The following ADGRF5 variants were observed in gnomAD, a reference collection of about 807,000 sequenced individuals.
ADGRF5 encodes adhesion G protein-coupled receptor F5, also known as G-protein coupled receptor 116.
In ADGRF5, 75 loss-of-function variants were observed where a neutral mutation model predicts 132.3. That is an observed-to-expected ratio of 0.57 (90% confidence interval 0.47 to 0.69). The LOEUF (loss-of-function observed/expected upper bound fraction) is 0.69, where lower values mean the gene tolerates loss of function less well. Among genes scored for constraint, ADGRF5 ranks in the 30% least tolerant of loss-of-function variants. The pLI is 0.00. For missense variants in ADGRF5, 1,516 were observed against 1,630.6 expected, an observed-to-expected ratio of 0.93 and a Z score of 1.21; for synonymous variants, 629 against 597.6, an observed-to-expected ratio of 1.05 and a Z score of -0.77.
intron 2 of ADGRF5, among the ~76,000 whole-genome samples, chr6:46,901,891 G>C (rs889840173): frequency 6.6e-6 from 1 of 152,056 alleles, no homozygotes; most frequent in Non-Finnish European, 1.5e-5. Context: ...TCAGATGTCC[G>C]CAATTTACCA....
chr6:46,879,865 G>A lies in ADGRF5; in HGVS notation c.989C>T (p.Thr330Ile). Residue 330 changes from threonine (T) to isoleucine (I), a missense_variant, in exon 9 of 21, where the codon ACT (threonine) becomes ATT (isoleucine). Thr to Ile is a moderately conservative substitution (Grantham distance 89). This residue lies in a region of ADGRF5 where 945 missense variants were observed against 929.4 expected (regional missense o/e 1.02). Coordinates refer to ENST00000283296, the MANE Select transcript of ADGRF5 (RefSeq NM_001098518.2). ...GTGGATGGTGAGCTTGGACACCGAAGTCATGTTGTTGAAAAGTGCGGTGTA... is the reference window on the plus strand; with the variant it reads ...GTGGATGGTGAGCTTGGACACCGAAATCATGTTGTTGAAAAGTGCGGTGTA... The part of the protein sequence containing the change: ...SIYTALFNNM[T>I]SVSKLTIHNI... 6.2e-7 allele frequency: 1 copy of A among 1,614,088 alleles called. No homozygotes were observed. Among genetic ancestry groups the A allele is most frequent in the Non-Finnish European group, 8.5e-7 (1 of 1,179,938 alleles).
At position 46,858,485 on chromosome 6, in the gene ADGRF5, G is replaced by A. The variant is rs1769320266; in HGVS notation, c.3418C>T (p.Leu1140Phe). ...CCCAGCGTGATGACCGAGATGGCAA[G>A]TGGGCAGCCATAGCCAAGACAGAAG... is the stretch of plus-strand genomic sequence containing the variant. Reference protein sequence around the residue: ...IAFCLGYGCPLAISVITLGAT... With the variant: ...IAFCLGYGCPFAISVITLGAT... The change falls in exon 17 of 21, where the codon CTT (leucine) becomes TTT (phenylalanine). Residue 1140 changes from leucine to phenylalanine, a missense_variant. Transcript: ENST00000283296. The A allele has an allele frequency of 6.2e-7, 1 of 1,613,800 alleles. No individual in the cohort carries two copies. Among genetic ancestry groups the A allele is most frequent in the African/African-American group, 1.3e-5 (1 of 74,908 alleles).
chr6:46,926,556 T>C (rs973712425), upstream of ADGRF5, among the ~76,000 whole-genome samples: 3 of 152,034 alleles, frequency 2.0e-5, no homozygotes, highest in South Asian at 4.2e-4. Flanking sequence ...CCCTTATTGA[T>C]CTATCCTCGG....
chr6:46,877,329 CTTTCTTTCTTTCT>C (rs1771898942), intron 10 of ADGRF5, among the ~76,000 whole-genome samples: 498 of 41,772 alleles, frequency 0.012, 25 homozygotes, highest in African/African-American at 0.021. Flanking sequence ...TTCCTTCTTT[CTTTCTTTCTTTCT>C]TTCTTTCTTT....
chr6:46,902,174 C>T (rs1174772974), intron 2 of ADGRF5, among the ~76,000 whole-genome samples: 1 of 152,220 alleles, frequency 6.6e-6, no homozygotes, highest in African/African-American at 2.4e-5. Flanking sequence ...GCCCAGCTTC[C>T]CTTGGAGAAT....
intron 3 of ADGRF5, among the ~76,000 whole-genome samples, chr6:46,889,564 GTGTGTATA>G (rs1562197615): frequency 1.2e-5 from 1 of 81,474 alleles, no homozygotes. Context: ...GTGTGTGTGT[GTGTGTATA>G]TATATATATA....
At chr6:46,878,588 T>C (rs944682110) in intron 9 of ADGRF5, among the ~76,000 whole-genome samples, 183 bp from the exon 10 acceptor site, 2 of 152,144 alleles carry the variant, frequency 1.3e-5, no homozygotes, top group African/African-American at 4.8e-5. Context: ...ATATTTCTCA[T>C]GCCACAAAGT....
intron 10 of ADGRF5, among the ~76,000 whole-genome samples, chr6:46,877,227 C>CTTTCTTTCTTTCTTTCT (rs1562173699): frequency 3.4e-3 from 71 of 20,842 alleles, no homozygotes; most frequent in Middle Eastern, 0.027. Context: ...TATTTCCTCT[C>CTTTCTTTCTTTCTTTCT]TTTCTTTCTT....
intron 1 of ADGRF5, among the ~76,000 whole-genome samples, chr6:46,937,228 G>A (rs1450720320): frequency 6.6e-6 from 1 of 150,614 alleles, no homozygotes; most frequent in Non-Finnish European, 1.5e-5. Context: ...AGGAGTGTGT[G>A]TGTGTGTGTG....
intron 2 of ADGRF5, among the ~76,000 whole-genome samples, chr6:46,900,808 T>A (rs1337501933): frequency 2.0e-5 from 3 of 152,224 alleles, no homozygotes; most frequent in Non-Finnish European, 4.4e-5. Context: ...GTATGGCATA[T>A]AGTAAGTTCT....
At position 46,853,269 on chromosome 6, in the gene ADGRF5, C is replaced by G. The variant is rs1378330385; in HGVS notation, c.*723G>C. On this transcript the variant is annotated 3_prime_UTR_variant, in exon 21 of 21. Transcript: ENST00000283296. Reference sequence around the variant, plus strand: ...ATTCATTTCTTATAAATATTGTTATCCACTTGAAGTCGTTCTGATGAAGGA... The same window carrying G: ...ATTCATTTCTTATAAATATTGTTATGCACTTGAAGTCGTTCTGATGAAGGA... The G allele has an allele frequency of 2.1e-4, 32 of 152,070 alleles. No individual in the cohort carries two copies. Among genetic ancestry groups the G allele is most frequent in the Admixed American group, 2.1e-3 (32 of 15,274 alleles). 9.4% of individuals were successfully genotyped at this position (152,070 alleles called of 1,614,324 possible).
intron 11 of ADGRF5, 108 bp from the exon 12 acceptor site, chr6:46,869,200 A>C (rs940465355): frequency 6.6e-7 from 1 of 1,516,398 alleles, no homozygotes. Context: ...GACAGAAAAA[A>C]AAAATGAACC....
At chr6:46,930,545 A>G (rs1420592863) in intron 1 of ADGRF5, among the ~76,000 whole-genome samples, 2 of 151,986 alleles carry the variant, frequency 1.3e-5, no homozygotes, top group Non-Finnish European at 2.9e-5. Context: ...TGGGGATGGT[A>G]TTTCCGAGAG....
chr6:46,858,083 C>T (rs746283017), intron 17 of ADGRF5, 46 bp downstream of exon 17: 3 of 1,390,338 alleles, frequency 2.2e-6, no homozygotes, highest in South Asian at 1.3e-5. Context: ...TTAATTTGTC[C>T]TACAGGAATA....
intron 1 of ADGRF5, among the ~76,000 whole-genome samples, chr6:46,942,589 G>T (rs577451337): frequency 1.3e-5 from 2 of 152,202 alleles, no homozygotes; most frequent in Non-Finnish European, 2.9e-5. Context: ...ATTTAGAGCA[G>T]AACTTGTGAG....
rs1319536103 is a variant in ADGRF5 at position 46,921,927 on chromosome 6, T to G, written c.-239A>C. The G allele has an allele frequency of 6.6e-6, 1 of 152,222 alleles. No homozygotes were observed. Among genetic ancestry groups the G allele is most frequent in the Non-Finnish European group, 1.5e-5 (1 of 68,054 alleles). 9.4% of individuals were successfully genotyped at this position (152,222 alleles called of 1,614,324 possible). The stretch of plus-strand genomic sequence containing the variant: ...CCTCCCCCAGCTATGATCCTCCCAG[T>G]CTCACAGAGTCATCCCTGAGAGCCG... On this transcript the variant is annotated 5_prime_UTR_variant, in exon 1 of 21. Transcript: ENST00000283296.
In ADGRF5 at chr6:46,871,934, C is replaced by A; in HGVS notation, c.1320G>T (p.Ser440=). 6.2e-7 allele frequency: 1 copy of A among 1,612,484 alleles called. No individual in the cohort carries two copies. The highest frequency in any genetic ancestry group is 8.5e-7 in the Non-Finnish European group (1 of 1,178,984). Residue 440 remains serine (S), a synonymous_variant, in exon 11 of 21, where the codon TCG becomes TCT. Transcript: ENST00000283296. The part of the protein sequence containing the change: ...KADGTQCPSG[S]SGTTVIYTCE... Reference sequence around the variant, plus strand: ...AAGTGTAGATGACTGTTGTTCCAGACGACCCGCTTGGGCACTGGGTTCCAT... The same window carrying A: ...AAGTGTAGATGACTGTTGTTCCAGAAGACCCGCTTGGGCACTGGGTTCCAT...
At chr6:46,866,879 A>G (rs1406483574) in intron 13 of ADGRF5, 46 bp downstream of exon 13, 4 of 1,191,170 alleles carry the variant, frequency 3.4e-6, no homozygotes, top group Non-Finnish European at 5.0e-6. Context: ...TAGACTCCAC[A>G]TATGTGAAAT....
intron 1 of ADGRF5, among the ~76,000 whole-genome samples, chr6:46,918,906 A>C (rs2150921431): frequency 6.6e-6 from 1 of 152,320 alleles, no homozygotes; most frequent in East Asian, 1.9e-4. Context: ...GACTCAGTGA[A>C]TCTCAACCCC....
Sources: allele counts gnomAD v4.1 joint callset (sites outside exome capture counted in the v4.1 genomes callset), GRCh38; gene constraint gnomAD v4.1.1; regional missense constraint gnomAD v4.1.1; transcripts MANE v1.5; gene names NCBI Gene and HGNC (gene_info 2026-07-23, HGNC 2026-07-21).